Variants in NRCAM observed in about 807,000 individuals in gnomAD.
NRCAM encodes neuronal cell adhesion molecule.
NRCAM carries 83 observed loss-of-function variants against 156.5 expected under a neutral mutation model. The ratio of observed to expected loss-of-function variants is 0.53; its 90% CI spans 0.44 to 0.64. The LOEUF is 0.64. NRCAM is among the 30% of genes least tolerant of loss of function. The probability of loss-of-function intolerance (pLI) is 0.00; values close to 1 mark genes in which losing one functional copy is unlikely to be tolerated. For missense variants in NRCAM, 1,417 were observed against 1,597.3 expected (o/e 0.89, Z 1.92); for synonymous variants, 538 against 563.9 (o/e 0.95, Z 0.65).
At chr7:108,257,743 A>T (rs1289958380) in intron 3 of NRCAM, among the ~76,000 whole-genome samples, 1 of 152,174 alleles carries the variant, frequency 6.6e-6, no homozygotes, top group Non-Finnish European at 1.5e-5. Flanking sequence ...TCTTGAAATG[A>T]TTTTTATGAT....
At chr7:108,255,012 C>T (rs1389260388) in intron 3 of NRCAM, among the ~76,000 whole-genome samples, 2 of 152,128 alleles carry the variant, frequency 1.3e-5, no homozygotes, top group Non-Finnish European at 2.9e-5. Flanking sequence ...ATCCAATGCC[C>T]ATTAACGGAT....
intron 32 of NRCAM, among the ~76,000 whole-genome samples, chr7:108,157,426 A>T (rs976056673): frequency 9.1e-4 from 138 of 152,306 alleles, no homozygotes; most frequent in African/African-American, 3.2e-3. Context: ...CTCCAGACAC[A>T]AAATTCTATT....
At chr7:108,218,673 A>G (rs996132186) in intron 11 of NRCAM, among the ~76,000 whole-genome samples, 9 of 152,172 alleles carry the variant, frequency 5.9e-5, no homozygotes, top group African/African-American at 2.2e-4. Context: ...GACAATAGTG[A>G]CACAACCTAT....
At chr7:108,422,034 G>A (rs945973783) in intron 1 of NRCAM, among the ~76,000 whole-genome samples, 6 of 152,142 alleles carry the variant, frequency 3.9e-5, no homozygotes, top group African/African-American at 1.4e-4. Context: ...TATTGGAAGT[G>A]GGGATTCCAA....
chr7:108,387,997 T>A (rs547655214), intron 2 of NRCAM, among the ~76,000 whole-genome samples: 2 of 152,314 alleles, frequency 1.3e-5, no homozygotes, highest in East Asian at 1.9e-4. Context: ...TTTGCTATTG[T>A]GAATAGTGCT....
At chr7:108,231,244 A>G in intron 7 of NRCAM, 91 bp from the exon 8 acceptor site, 1 of 873,422 alleles carries the variant, frequency 1.1e-6, no homozygotes, top group Non-Finnish European at 1.7e-6. Context: ...GAAGTTTTGG[A>G]GAAATAATTT....
intron 3 of NRCAM, among the ~76,000 whole-genome samples, chr7:108,298,985 A>G (rs2154142462): frequency 6.7e-6 from 1 of 149,230 alleles, no homozygotes. Context: ...GCATGTCTGT[A>G]ATCCCAGCTA....
intron 2 of NRCAM, among the ~76,000 whole-genome samples, chr7:108,318,755 TTC>T (rs2098963500): frequency 6.6e-6 from 1 of 152,164 alleles, no homozygotes; most frequent in Admixed American, 6.5e-5. Context: ...GCAGACGTAC[TTC>T]AGCGTGGCCC....
At chr7:108,170,282 A>T (rs2057668551) in intron 28 of NRCAM, among the ~76,000 whole-genome samples, 1 of 152,224 alleles carries the variant, frequency 6.6e-6, no homozygotes, top group African/African-American at 2.4e-5. Flanking sequence ...TGCTAAGTAA[A>T]ATAATCCAGA....
intron 2 of NRCAM, among the ~76,000 whole-genome samples, chr7:108,396,105 G>A (rs563994932): frequency 2.0e-4 from 30 of 152,258 alleles, no homozygotes; most frequent in African/African-American, 6.3e-4. Context: ...AGGGTCTCAC[G>A]TTTTAGAGAC....
chr7:108,165,846 C>G (rs1362735779), intron 30 of NRCAM, among the ~76,000 whole-genome samples: 2 of 152,102 alleles, frequency 1.3e-5, no homozygotes, highest in Admixed American at 6.5e-5. Flanking sequence ...ATGTATTCTA[C>G]AGGATATGCA....
At chr7:108,371,380 C>T (rs927259240) in intron 2 of NRCAM, among the ~76,000 whole-genome samples, 6 of 152,070 alleles carry the variant, frequency 3.9e-5, no homozygotes, top group African/African-American at 1.2e-4. Flanking sequence ...TTCTACTCTG[C>T]CACTACAACC....
intron 1 of NRCAM, among the ~76,000 whole-genome samples, chr7:108,454,252 G>C (rs1269691166): frequency 6.6e-6 from 1 of 152,162 alleles, no homozygotes; most frequent in African/African-American, 2.4e-5. Flanking sequence ...GCAGAGCTCC[G>C]AATTAAATGG....
intron 2 of NRCAM, among the ~76,000 whole-genome samples, chr7:108,338,677 CAAAGAG>C (rs2099237547): frequency 6.7e-6 from 1 of 150,340 alleles, no homozygotes; most frequent in Admixed American, 6.6e-5. Flanking sequence ...AAGAGGGAGT[CAAAGAG>C]AGAAAGAAAG....
chr7:108,264,562 A>G (rs1490565824), intron 3 of NRCAM, among the ~76,000 whole-genome samples: 1 of 152,216 alleles, frequency 6.6e-6, no homozygotes, highest in Non-Finnish European at 1.5e-5. Context: ...AAACATCTTC[A>G]TGCTTCATAC....
intron 2 of NRCAM, among the ~76,000 whole-genome samples, chr7:108,387,542 T>A (rs1192363498): frequency 2.0e-5 from 3 of 152,056 alleles, no homozygotes; most frequent in Non-Finnish European, 2.9e-5. Context: ...TTTATCCTAG[T>A]TTTTTTAAAA....
rs565875009 is a variant in NRCAM at position 108,260,145 on chromosome 7, C to T, written c.-106-19975G>A. Among the ~76,000 whole-genome samples, 6 of 152,234 alleles carry T rather than the reference C, an allele frequency of 3.9e-5. No homozygotes were observed. The Middle Eastern group carries it at 0.017, about 432-fold the overall frequency. ...TTTTGTCTAGTTTTGCTTCCTATTCCGTTTCTCAAACCATTTCTAATCCTT... is the reference window on the plus strand; with the variant it reads ...TTTTGTCTAGTTTTGCTTCCTATTCTGTTTCTCAAACCATTTCTAATCCTT... On this transcript the variant is annotated intron_variant, in intron 3 of 32. Transcript: ENST00000379028.
rs183554705 is a variant in NRCAM at position 108,417,567 on chromosome 7, G to A, written c.-331-17974C>T. Among the ~76,000 whole-genome samples the A allele has an allele frequency of 2.9e-3, 441 of 152,238 alleles. 3 individuals are homozygous for A. Among genetic ancestry groups the A allele is most frequent in the African/African-American group, 0.01 (423 of 41,538 alleles). ...AGGGGACAAACATCCTAACCCTAGC[G>A]AAAGAAAACAAATAATTTTCTGGTA... On this transcript the variant is annotated intron_variant, in intron 1 of 32. Coordinates refer to ENST00000379028, the MANE Select transcript of NRCAM (RefSeq NM_001037132.4).
chr7:108,268,636 TGGG>T (rs1300340254), intron 3 of NRCAM, among the ~76,000 whole-genome samples: 97 of 8,504 alleles, frequency 0.011, 5 homozygotes, highest in South Asian at 0.029. Context: ...GGGGGGGGGT[TGGG>T]GGGGGCGGCG....
Sources: allele counts gnomAD v4.1 joint callset (sites outside exome capture counted in the v4.1 genomes callset), GRCh38; gene constraint gnomAD v4.1.1; transcripts MANE v1.5; gene names NCBI Gene and HGNC (gene_info 2026-07-23, HGNC 2026-07-21).